The following SCYL1 variants were observed in gnomAD, a reference collection of about 807,000 sequenced individuals.
SCYL1 encodes N-terminal kinase-like protein.
A neutral mutation model predicts 94.8 loss-of-function variants in SCYL1; 85 were observed. That is an observed-to-expected ratio of 0.90 (90% CI 0.75 to 1.07). The LOEUF (loss-of-function observed/expected upper bound fraction) is 1.07. Ranked by LOEUF, SCYL1 falls within the 50% of genes least tolerant of loss-of-function variation. The pLI is 0.00. For synonymous variants in SCYL1, 459 were observed against 435.5 expected (o/e 1.05, Z -0.67); for missense variants, 968 against 1,083.3 (o/e 0.89, Z 1.49).
rs57664614 is a variant in SCYL1, at chr11:65,527,127, C to A, written c.849+10C>A. The A allele has an allele frequency of 6.2e-3, 9,954 of 1,611,298 alleles. 453 individuals are homozygous for A. The East Asian group carries it at 0.12, about 20-fold the overall frequency. Reference sequence around the variant, plus strand: ...CCTGGAGGAGATTCAGGTGAGCCCCCAACCCACCCTGGGCTTCGACCCTAT... The same window carrying A: ...CCTGGAGGAGATTCAGGTGAGCCCCAAACCCACCCTGGGCTTCGACCCTAT... On this transcript the variant is annotated intron_variant, in intron 6 of 17. Transcript: ENST00000270176.
rs778547958 is a variant in SCYL1, at chr11:65,531,591, A to C, written c.1024A>C (p.Ser342Arg). 4 of 1,613,598 alleles carry C rather than the reference A, an allele frequency of 2.5e-6. No homozygotes were observed. Among genetic ancestry groups the C allele is most frequent in the Admixed American group, 3.3e-5 (2 of 59,982 alleles). Reference protein sequence around the residue: ...TPLFKVGKFLSAEEYQQKIIP... With the variant: ...TPLFKVGKFLRAEEYQQKIIP... ...GCCCTTTCAGGTGGGCAAGTTCCTG[A>C]GCGCTGAGGAGTATCAGCAGAAGAT... The change falls in exon 8 of 18, where the codon AGC becomes CGC. Residue 342 changes from serine (S) to arginine (R), a missense_variant. Around this residue, in one of 2 missense-constraint regions of SCYL1, gnomAD observed 494 missense variants for 619.7 expected, o/e 0.80. Coordinates refer to ENST00000270176, the MANE Select transcript of SCYL1 (RefSeq NM_020680.4).
intron 6 of SCYL1, among the ~76,000 whole-genome samples, chr11:65,529,994 A>G (rs1224773589): frequency 1.3e-5 from 2 of 152,220 alleles, no homozygotes; most frequent in African/African-American, 4.8e-5. Flanking sequence ...TCTGTGCTCC[A>G]GAAATATGAA....
At chr11:65,538,386 C>T in intron 17 of SCYL1, 56 bp from the exon 18 acceptor site, 2 of 1,539,098 alleles carry the variant, frequency 1.3e-6, no homozygotes, top group Middle Eastern at 1.7e-4. Context: ...CCCCTACAGG[C>T]CCCCGGCAGG....
At chr11:65,536,884 G>A in intron 13 of SCYL1, 102 bp from the exon 14 acceptor site, 4 of 1,287,486 alleles carry the variant, frequency 3.1e-6, no homozygotes, top group Non-Finnish European at 4.4e-6. Flanking sequence ...GTCACCCTGT[G>A]GGCTTCCTTG....
At chr11:65,531,772 C>G in intron 8 of SCYL1, 89 bp downstream of exon 8, 2 of 888,124 alleles carry the variant, frequency 2.3e-6, no homozygotes, top group Non-Finnish European at 3.7e-6. Context: ...CACAGGGACC[C>G]CAGAAACCCC....
Position 65,537,700 on chromosome 11 carries a change from G to A in SCYL1, c.1960-109G>A, listed in dbSNP as rs1855752112. The stretch of plus-strand genomic sequence containing the variant: ...GAAACAGGGCCTGAGGAGCAAATGA[G>A]GAGGAAGGCAAAAGACAGTGGTGGG... On this transcript the variant is annotated intron_variant, in intron 14 of 17. Coordinates refer to ENST00000270176, the MANE Select transcript of SCYL1 (RefSeq NM_020680.4). The A allele has an allele frequency of 5.4e-6, 5 of 929,672 alleles. No individual in the cohort carries two copies. The East Asian group carries it at 1.3e-4, about 25-fold the overall frequency. The allele number at this position is 929,672 out of a possible 1,614,324, so 57.6% of individuals were successfully genotyped here.
At chr11:65,533,638 C>A (rs937775300) in intron 9 of SCYL1, among the ~76,000 whole-genome samples, 1 of 144,182 alleles carries the variant, frequency 6.9e-6, no homozygotes, top group Non-Finnish European at 1.5e-5. Context: ...AAGTTAGGCG[C>A]GTATGGTGAT....
At position 65,535,948 on chromosome 11, in the gene SCYL1, C is replaced by G; in HGVS notation, c.1387-5C>G. 1 of 1,576,182 alleles carries G rather than the reference C, an allele frequency of 6.3e-7. No individual in the cohort carries two copies. Among genetic ancestry groups the G allele is most frequent in the South Asian group, 1.2e-5 (1 of 85,354 alleles). On this transcript the variant is annotated splice_polypyrimidine_tract_variant and splice_region_variant and intron_variant, in intron 10 of 17. Transcript: ENST00000270176. ...TCAGGAGCCCTCTTTCCTGCCCCATCGTAGACCAGACACAGGGTCCTTACC... is the reference window on the plus strand; with the variant it reads ...TCAGGAGCCCTCTTTCCTGCCCCATGGTAGACCAGACACAGGGTCCTTACC...
rs1479675080 is a variant in SCYL1 at position 65,527,074 on chromosome 11, G to A, written c.806G>A (p.Ser269Asn). The A allele has an allele frequency of 8.7e-6, 14 of 1,613,500 alleles. No homozygotes were observed. Among genetic ancestry groups the A allele is most frequent in the Admixed American group, 6.7e-5 (4 of 59,988 alleles). Reference protein sequence around the residue: ...QNCRAPGGFMSNRFVETNLFL... With the variant: ...QNCRAPGGFMNNRFVETNLFL... Reference sequence around the variant, plus strand: ...TGCCGGGCACCTGGTGGCTTCATGAGCAACCGCTTTGTAGAAACCAACCTC... The same window carrying A: ...TGCCGGGCACCTGGTGGCTTCATGAACAACCGCTTTGTAGAAACCAACCTC... The change falls in exon 6 of 18, where the codon AGC (serine) becomes AAC (asparagine). Residue 269 changes from serine (S) to asparagine (N), a missense_variant. Transcript: ENST00000270176.
intron 2 of SCYL1, 97 bp downstream of exon 2, chr11:65,525,811 A>G: frequency 1.3e-6 from 2 of 1,580,198 alleles, no homozygotes; most frequent in Admixed American, 1.7e-5. Flanking sequence ...TATGTGCCCC[A>G]GCACCCCCAG....
At position 65,536,334 on chromosome 11, in the gene SCYL1, G is replaced by A. The variant is rs1367070640; in HGVS notation, c.1651G>A (p.Glu551Lys). The A allele has an allele frequency of 6.2e-7, 1 of 1,614,050 alleles. No individual in the cohort carries two copies. The highest frequency in any genetic ancestry group is 1.7e-5 in the Admixed American group (1 of 60,024). ...SEDPTQLEEV[E>K]KDVHAASSPG... Reference sequence around the variant, plus strand: ...GGACCCGACCCAGCTGGAGGAAGTGGGTGAGTGGCTTACACTCGTGTTCCC... The same window carrying A: ...GGACCCGACCCAGCTGGAGGAAGTGAGTGAGTGGCTTACACTCGTGTTCCC... Residue 551 changes from glutamate to lysine, a missense_variant and splice_region_variant, in exon 12 of 18, where the codon GAG (glutamate) becomes AAG (lysine). Glu to Lys is a moderately conservative substitution (Grantham distance 56). This residue lies in a region of SCYL1 where 474 missense variants were observed against 463.6 expected (regional missense o/e 1.02). Coordinates refer to ENST00000270176, the MANE Select transcript of SCYL1 (RefSeq NM_020680.4).
At chr11:65,536,814 C>T (rs781671923) in intron 13 of SCYL1, 64 bp downstream of exon 13, 38 of 1,514,336 alleles carry the variant, frequency 2.5e-5, no homozygotes, top group Non-Finnish European at 3.2e-5. Flanking sequence ...CACCCAGGAA[C>T]TCTTACTGTC....
chr11:65,526,524 G>A lies in SCYL1; in HGVS notation c.602+174G>A, dbSNP rs1855090723. On this transcript the variant is annotated intron_variant, in intron 4 of 17. Transcript: ENST00000270176. This position sits in a 1 kb window ranked among gnomAD's most constrained non-coding sequence, Gnocchi z 4.1. Reference sequence around the variant, plus strand: ...CCCCCAGGGTCCTCAGGGCGGTAGGGCGGGATGGACACAGCATTCGGGGTT... The same window carrying A: ...CCCCCAGGGTCCTCAGGGCGGTAGGACGGGATGGACACAGCATTCGGGGTT... 1.3e-5 allele frequency among the ~76,000 whole-genome samples: 2 copies of A among 152,220 alleles called. No homozygotes were observed. The highest frequency in any genetic ancestry group is 4.8e-5 in the African/African-American group (2 of 41,442).
rs202155473 is a variant in SCYL1, at chr11:65,537,049, C to T, written c.1880C>T (p.Thr627Met). ...CCTACAACCTCAGGCCACTGGGAGA[C>T]GCAGGAGGAGGACAAGGACACAGCA... Reference protein sequence around the residue: ...ATPTTSGHWETQEEDKDTAED... With the variant: ...ATPTTSGHWEMQEEDKDTAED... Residue 627 changes from threonine (T) to methionine (M), a missense_variant, in exon 14 of 18, where the codon ACG (threonine) becomes ATG (methionine). Thr to Met is a moderately conservative substitution (Grantham distance 81). Around this residue, in one of 2 missense-constraint regions of SCYL1, gnomAD observed 474 missense variants for 463.6 expected, o/e 1.02. Coordinates refer to ENST00000270176, the MANE Select transcript of SCYL1 (RefSeq NM_020680.4). The T allele has an allele frequency of 3.3e-3, 5,301 of 1,613,644 alleles. 65 individuals are homozygous for T. The highest frequency in any genetic ancestry group is 2.5e-3 in the Non-Finnish European group (2,945 of 1,179,606).
At position 65,537,012 on chromosome 11, in the gene SCYL1, G is replaced by T. The variant is rs1207123788; in HGVS notation, c.1843G>T (p.Val615Phe). The change falls in exon 14 of 18, where the codon GTT (valine) becomes TTT (phenylalanine). Residue 615 changes from valine to phenylalanine, a missense_variant. By Grantham distance (50) the Val-to-Phe change is conservative. Around this residue, in one of 2 missense-constraint regions of SCYL1, gnomAD observed 474 missense variants for 463.6 expected, o/e 1.02. Coordinates refer to ENST00000270176, the MANE Select transcript of SCYL1 (RefSeq NM_020680.4). Reference sequence around the variant, plus strand: ...AGTTCCTGCCCCAGCCCCCACCCCTGTTCCTGCCACCCCTACAACCTCAGG... The same window carrying T: ...AGTTCCTGCCCCAGCCCCCACCCCTTTTCCTGCCACCCCTACAACCTCAGG... ...EGVPAPAPTP[V>F]PATPTTSGHW... 6.2e-7 allele frequency: 1 copy of T among 1,611,866 alleles called. No homozygotes were observed. The highest frequency in any genetic ancestry group is 1.1e-5 in the South Asian group (1 of 91,048).
intron 2 of SCYL1, 53 bp from the exon 3 acceptor site, chr11:65,525,868 T>G: frequency 1.1e-5 from 17 of 1,592,236 alleles, no homozygotes; most frequent in Non-Finnish European, 1.5e-5. Context: ...GTCGCTTATC[T>G]CTCCTTCCTC....
rs1855127590 is a variant in SCYL1 at position 65,527,137 on chromosome 11, TG to T, written c.849+23del. 1.2e-6 allele frequency: 2 copies of T among 1,609,300 alleles called. No individual in the cohort carries two copies. The highest frequency in any genetic ancestry group is 1.7e-4 in the Middle Eastern group (1 of 6,052). ...ATTCAGGTGAGCCCCCAACCCACCC[TG>T]GGCTTCGACCCTATCTTTTTCATTC... On this transcript the variant is annotated intron_variant, in intron 6 of 17. Transcript: ENST00000270176.
Position 65,535,334 on chromosome 11 carries a change from C to A in SCYL1, c.1338C>A (p.Cys446Ter). The change falls in exon 10 of 18, where the codon TGC becomes TGA. Residue 446 changes from cysteine to a stop codon, truncating the protein, a stop_gained. Transcript: ENST00000270176. LOFTEE classifies it high-confidence loss of function. ...AGGATGAACAGGGCCCCATCCGCTG[C>A]AACACCACAGTCTGCCTGGGCAAAA... ...QAKDEQGPIR[C>*]NTTVCLGKIG... The A allele has an allele frequency of 1.9e-6, 3 of 1,614,266 alleles. No homozygotes were observed. Among genetic ancestry groups the A allele is most frequent in the Non-Finnish European group, 2.5e-6 (3 of 1,180,036 alleles).
chr11:65,538,357 G>C (rs1215251149), intron 17 of SCYL1, 33 bp downstream of exon 17: 1 of 1,540,958 alleles, frequency 6.5e-7, no homozygotes, highest in Admixed American at 2.0e-5. Flanking sequence ...CTGAAGACTA[G>C]GGCTCCCCGA....
Sources: allele counts gnomAD v4.1 joint callset (sites outside exome capture counted in the v4.1 genomes callset), GRCh38; gene constraint gnomAD v4.1.1; regional missense constraint gnomAD v4.1.1; non-coding constraint Gnocchi (gnomAD v3.1); transcripts MANE v1.5; gene names NCBI Gene and HGNC (gene_info 2026-07-23, HGNC 2026-07-21).